The following DOCK2 variants were observed in gnomAD, a reference collection of about 807,000 sequenced individuals.
DOCK2 encodes the protein dedicator of cytokinesis protein 2.
Under a neutral mutation model 248.9 loss-of-function variants are expected in DOCK2, and 87 were observed. The ratio of observed to expected loss-of-function variants is 0.35; its 90% confidence interval spans 0.29 to 0.42. The LOEUF (loss-of-function observed/expected upper bound fraction) is 0.42, where lower values mean the gene tolerates loss of function less well. DOCK2 is among the 10% of genes least tolerant of loss of function. The pLI is 1.00. For synonymous variants in DOCK2, 805 were observed against 821.6 expected (o/e 0.98, Z 0.35); for missense variants, 1,747 against 2,300.2 (o/e 0.76, Z 4.92).
chr5:169,746,191 G>C (rs761499185), intron 22 of DOCK2, among the ~76,000 whole-genome samples: 1 of 152,108 alleles, frequency 6.6e-6, no homozygotes, highest in Non-Finnish European at 1.5e-5. Context: ...GGGGGAGGGT[G>C]GGGAGAGAAC....
At chr5:169,992,780 A>AG (rs1778242471) in intron 29 of DOCK2, among the ~76,000 whole-genome samples, 1 of 151,998 alleles carries the variant, frequency 6.6e-6, no homozygotes, top group Non-Finnish European at 1.5e-5. Context: ...GTTTTTAAAA[A>AG]AAAAACAAGA....
intron 33 of DOCK2, among the ~76,000 whole-genome samples, chr5:170,026,172 C>T (rs1010594865): frequency 2.6e-5 from 4 of 152,134 alleles, no homozygotes; most frequent in African/African-American, 9.7e-5. Flanking sequence ...GATGTGTGAA[C>T]CAGAGGGAAG....
At position 169,868,038 on chromosome 5, in the gene DOCK2, A is replaced by G. The variant is rs140257570; in HGVS notation, c.2799+27186A>G. Among the ~76,000 whole-genome samples, 874 of 152,252 alleles carry G rather than the reference A, an allele frequency of 5.7e-3. 1 individual carries two copies. Among genetic ancestry groups the G allele is most frequent in the Admixed American group, 9.2e-3 (141 of 15,294 alleles). On this transcript the variant is annotated intron_variant, in intron 27 of 51. Transcript: ENST00000520908. Reference sequence around the variant, plus strand: ...CCCTCCCTACTGTGACAGAAAAACAATCTTCATCATAGAGTACCAGATAGA... The same window carrying G: ...CCCTCCCTACTGTGACAGAAAAACAGTCTTCATCATAGAGTACCAGATAGA...
intron 13 of DOCK2, among the ~76,000 whole-genome samples, chr5:169,701,159 G>A (rs1760948279): frequency 6.6e-6 from 1 of 152,150 alleles, no homozygotes; most frequent in African/African-American, 2.4e-5. Flanking sequence ...GGCCTTCTCT[G>A]TCTATAAAGC....
chr5:169,877,998 A>G (rs1772426423), intron 27 of DOCK2, among the ~76,000 whole-genome samples: 2 of 152,182 alleles, frequency 1.3e-5, no homozygotes. Context: ...CATATTGGAG[A>G]CATTTTACAA....
chr5:169,987,193 T>C (rs1778089166), intron 29 of DOCK2, among the ~76,000 whole-genome samples: 1 of 152,214 alleles, frequency 6.6e-6, no homozygotes, highest in Non-Finnish European at 1.5e-5. Flanking sequence ...GATATATTCC[T>C]TGTTGTATTT....
At chr5:169,747,238 G>C (rs935044048) in intron 22 of DOCK2, among the ~76,000 whole-genome samples, 158 bp from the exon 23 acceptor site, 3 of 152,186 alleles carry the variant, frequency 2.0e-5, no homozygotes, top group African/African-American at 7.2e-5. Context: ...TCCCTTGAGA[G>C]AATGATGCAC....
intron 51 of DOCK2, among the ~76,000 whole-genome samples, 157 bp from the exon 52 acceptor site, chr5:170,082,639 C>A (rs1244686599): frequency 6.6e-6 from 1 of 152,186 alleles, no homozygotes; most frequent in South Asian, 2.1e-4. Flanking sequence ...TCTACCACTG[C>A]CTTTCTGGCC....
chr5:169,998,878 C>G (rs745454862), intron 30 of DOCK2, among the ~76,000 whole-genome samples: 1 of 152,168 alleles, frequency 6.6e-6, no homozygotes, highest in Non-Finnish European at 1.5e-5. Context: ...ATGTTTGATT[C>G]CCTTCCAAAT....
At chr5:169,662,321 C>T (rs1398709221) in intron 2 of DOCK2, among the ~76,000 whole-genome samples, 2 of 152,100 alleles carry the variant, frequency 1.3e-5, no homozygotes, top group African/African-American at 4.8e-5. Context: ...TATTTTTATA[C>T]TATTGAGTTA....
At chr5:169,883,081 T>C in intron 27 of DOCK2, 1 of 1,551,608 alleles carries the variant, frequency 6.4e-7, no homozygotes, top group Non-Finnish European at 8.7e-7. Flanking sequence ...AGGTTTAAGT[T>C]CCTCTGTGCC....
intron 30 of DOCK2, among the ~76,000 whole-genome samples, chr5:170,006,187 G>T (rs1184593335): frequency 1.3e-5 from 2 of 152,220 alleles, no homozygotes; most frequent in Non-Finnish European, 2.9e-5. Flanking sequence ...AGGGGATGTG[G>T]ACAGGAGACC....
At chr5:169,654,308 G>A (rs1042714380) in intron 1 of DOCK2, 95 bp from the exon 2 acceptor site, 2 of 1,401,228 alleles carry the variant, frequency 1.4e-6, no homozygotes, top group Non-Finnish European at 9.9e-7. Context: ...GGGCTGCGTG[G>A]GCATGGGATG....
intron 27 of DOCK2, among the ~76,000 whole-genome samples, chr5:169,906,399 C>G (rs1047059925): frequency 6.6e-6 from 1 of 152,224 alleles, no homozygotes; most frequent in Non-Finnish European, 1.5e-5. Context: ...AAACCACCAT[C>G]ATTTGGGCTT....
chr5:169,800,902 T>A (rs1222925665), intron 25 of DOCK2, among the ~76,000 whole-genome samples: 1 of 149,328 alleles, frequency 6.7e-6, no homozygotes, highest in Non-Finnish European at 1.5e-5. Context: ...CCTGAGAGAC[T>A]ACATATTTCT....
At chr5:169,985,806 G>A (rs1778054600) in intron 28 of DOCK2, 22 bp from the exon 29 acceptor site, 19 of 1,590,948 alleles carry the variant, frequency 1.2e-5, no homozygotes, top group Middle Eastern at 1.7e-4. Context: ...GATGACATGT[G>A]TGCTGTGCTT....
intron 47 of DOCK2, 87 bp downstream of exon 47, chr5:170,076,171 C>A: frequency 2.0e-6 from 3 of 1,522,210 alleles, no homozygotes; most frequent in Non-Finnish European, 2.7e-6. Context: ...GGAGGGGATC[C>A]AGCAAAGGAA....
intron 25 of DOCK2, among the ~76,000 whole-genome samples, chr5:169,799,644 C>A (rs1328248394): frequency 6.6e-6 from 1 of 152,080 alleles, no homozygotes; most frequent in Non-Finnish European, 1.5e-5. Flanking sequence ...GGATGAAAAT[C>A]TCAACTTTAT....
intron 27 of DOCK2, chr5:169,934,780 C>T: frequency 4.4e-6 from 2 of 450,070 alleles, no homozygotes; most frequent in Admixed American, 2.4e-5. Context: ...TCATGCAATC[C>T]TTATTGTTAG....
Sources: gnomAD v4.1 joint callset for allele counts (sites outside exome capture counted in the v4.1 genomes callset) on GRCh38, gnomAD v4.1.1 for gene constraint, MANE v1.5 for transcripts, NCBI Gene and HGNC (gene_info 2026-07-23, HGNC 2026-07-21) for gene names.